Variants in UGT2B28 observed in about 807,000 individuals in gnomAD.
UGT2B28 encodes UDP-glucuronosyltransferase 2B28.
UGT2B28 carries 45 observed loss-of-function variants against 43.6 expected under a neutral mutation model. The ratio of observed to expected loss-of-function variants is 1.03; its 90% CI spans 0.81 to 1.32. UGT2B28 has a LOEUF of 1.32. Ranked by LOEUF, UGT2B28 falls within the 40% of genes most tolerant of loss-of-function variation. The pLI, the probability that UGT2B28 is intolerant of heterozygous loss-of-function variation, is 0.00. For missense variants in UGT2B28, 649 were observed against 625.5 expected, an observed-to-expected ratio of 1.04 and a Z score of -0.40; for synonymous variants, 204 against 208.1, an observed-to-expected ratio of 0.98 and a Z score of 0.17.
rs1723650730 is a variant in UGT2B28 at position 69,282,624 on chromosome 4, G to A, written c.832G>A (p.Gly278Arg). The A allele has an allele frequency of 6.4e-7, 1 of 1,552,988 alleles. No homozygotes were observed. The highest frequency in any genetic ancestry group is 8.7e-7 in the Non-Finnish European group (1 of 1,152,744). The change falls in exon 2 of 6, where the codon GGA (glycine) becomes AGA (arginine). Residue 278 changes from glycine to arginine, a missense_variant. Gly to Arg is a moderately radical substitution (Grantham distance 125). Transcript: ENST00000335568. ...ATTCTTACCAAACATTGATTTTGTT[G>A]GAGGACTCCACTGCAAACCTGCCAA... The part of the protein sequence containing the change: ...HPFLPNIDFV[G>R]GLHCKPAKPL...
At chr4:69,290,006 A>G (rs1210941991) in intron 4 of UGT2B28, among the ~76,000 whole-genome samples, 2 of 140,390 alleles carry the variant, frequency 1.4e-5, no homozygotes, top group African/African-American at 5.6e-5. Context: ...AGAATTTTTC[A>G]GTATCTTCCT....
At chr4:69,281,505 TATA>T (rs1265309588) in intron 1 of UGT2B28, among the ~76,000 whole-genome samples, 2 of 141,010 alleles carry the variant, frequency 1.4e-5, no homozygotes, top group South Asian at 2.4e-4. Flanking sequence ...TGTTTTACTA[TATA>T]ATGTTTTAGA....
chr4:69,286,929 T>C lies in UGT2B28; in HGVS notation c.1002+46T>C, dbSNP rs747275808. 15 of 1,400,224 alleles carry C rather than the reference T, an allele frequency of 1.1e-5. 2 individuals carry two copies. In the South Asian group the frequency reaches 2.1e-4, roughly 20 times the overall value. 86.7% of individuals were successfully genotyped at this position (1,400,224 alleles called of 1,614,324 possible). A position where few individuals can be genotyped will look rare whatever the true frequency, so the allele number is the denominator to read the frequency against. ...GGTGTGGAAAACTACTGAAAGAGGC[T>C]GTTAAAGTTTGAGATCTACACAGAA... On this transcript the variant is annotated intron_variant, in intron 3 of 5. Transcript: ENST00000335568.
chr4:69,282,590 T>G lies in UGT2B28; in HGVS notation c.798T>G (p.Phe266Leu). 1 of 1,556,516 alleles carries G rather than the reference T, an allele frequency of 6.4e-7. No homozygotes were observed. The highest frequency in any genetic ancestry group is 2.3e-5 in the East Asian group (1 of 43,358). ...WLMRNSWSFQFPHPFLPNIDF... is the reference protein window; with the variant it reads ...WLMRNSWSFQLPHPFLPNIDF... The stretch of plus-strand genomic sequence containing the variant: ...TGCGAAACTCCTGGAGTTTTCAATT[T>G]CCTCATCCATTCTTACCAAACATTG... Residue 266 changes from phenylalanine (F) to leucine (L), a missense_variant, in exon 2 of 6, where the codon TTT becomes TTG. Physicochemically the swap from Phe to Leu is conservative, Grantham distance 22 (BLOSUM62 0). Transcript: ENST00000335568.
chr4:69,282,617 T>C lies in UGT2B28; in HGVS notation c.825T>C (p.Asp275=). ...QFPHPFLPNI[D]FVGGLHCKPA... Reference sequence around the variant, plus strand: ...CTCATCCATTCTTACCAAACATTGATTTTGTTGGAGGACTCCACTGCAAAC... The same window carrying C: ...CTCATCCATTCTTACCAAACATTGACTTTGTTGGAGGACTCCACTGCAAAC... Residue 275 remains aspartate, a synonymous_variant, in exon 2 of 6, where the codon GAT becomes GAC. Transcript: ENST00000335568. 6.4e-7 allele frequency: 1 copy of C among 1,554,588 alleles called. No homozygotes were observed. The highest frequency in any genetic ancestry group is 1.2e-5 in the South Asian group (1 of 83,368).
At position 69,280,523 on chromosome 4, in the gene UGT2B28, T is replaced by C; in HGVS notation, c.23T>C (p.Val8Ala). ...AGGATGGCTCTGAAGTGGACTTCAG[T>C]TCTTCTGCTGATACATCTCGGTTGT... The part of the protein sequence containing the change: MALKWTS[V>A]LLLIHLGCYF... Residue 8 changes from valine to alanine, a missense_variant, in exon 1 of 6, where the codon GTT (valine) becomes GCT (alanine). By Grantham distance (64) the Val-to-Ala change is moderately conservative. Coordinates refer to ENST00000335568, the MANE Select transcript of UGT2B28 (RefSeq NM_053039.2). 3 of 1,556,634 alleles carry C rather than the reference T, an allele frequency of 1.9e-6. No homozygotes were observed. The highest frequency in any genetic ancestry group is 2.6e-6 in the Non-Finnish European group (3 of 1,154,534).
At chr4:69,281,351 A>T (rs1214755581) in intron 1 of UGT2B28, 130 bp downstream of exon 1, 2 of 1,130,876 alleles carry the variant, frequency 1.8e-6, no homozygotes, top group Non-Finnish European at 2.3e-6. Flanking sequence ...AAAATACAAG[A>T]TGATCTATCA....
At position 69,294,367 on chromosome 4, in the gene UGT2B28, G is replaced by T. The variant is rs1196476635; in HGVS notation, c.1311-163G>T. The stretch of plus-strand genomic sequence containing the variant: ...TCAATGAGAAAAGTCCAATTTAAAA[G>T]CCCAACTATCTATGATGACTCAAAT... On this transcript the variant is annotated intron_variant, in intron 5 of 5. Coordinates refer to ENST00000335568, the MANE Select transcript of UGT2B28 (RefSeq NM_053039.2). Among the ~76,000 whole-genome samples, 5 of 139,490 alleles carry T rather than the reference G, an allele frequency of 3.6e-5. 1 individual carries two copies. The highest frequency in any genetic ancestry group is 2.2e-4 in the Admixed American group (3 of 13,896). 91.5% of individuals were successfully genotyped at this position (139,490 alleles called of 152,430 possible). A position where few individuals can be genotyped will look rare whatever the true frequency, so the allele number is the denominator to read the frequency against.
At chr4:69,283,402 T>C (rs1391417328) in intron 2 of UGT2B28, among the ~76,000 whole-genome samples, 1 of 140,072 alleles carries the variant, frequency 7.1e-6, no homozygotes, top group Non-Finnish European at 1.5e-5. Context: ...GAAATAAATA[T>C]ATATGAAACG....
At position 69,280,743 on chromosome 4, in the gene UGT2B28, A is replaced by T; in HGVS notation, c.243A>T (p.Leu81Phe). The T allele has an allele frequency of 6.4e-7, 1 of 1,562,814 alleles. No homozygotes were observed. The highest frequency in any genetic ancestry group is 8.6e-7 in the Non-Finnish European group (1 of 1,156,620). ...TLKLEVYPTS[L>F]TKTEFENIIM... is the part of the protein sequence containing the mutation. Reference sequence around the variant, plus strand: ...AACTCGAAGTTTATCCTACATCTTTAACTAAAACTGAATTTGAGAATATCA... The same window carrying T: ...AACTCGAAGTTTATCCTACATCTTTTACTAAAACTGAATTTGAGAATATCA... The change falls in exon 1 of 6, where the codon TTA becomes TTT. Residue 81 changes from leucine to phenylalanine, a missense_variant. Transcript: ENST00000335568.
At position 69,283,117 on chromosome 4, in the gene UGT2B28, G is replaced by A. The variant is rs1489871190; in HGVS notation, c.870+455G>A. 2.9e-5 allele frequency among the ~76,000 whole-genome samples: 4 copies of A among 139,990 alleles called. 2 individuals carry two copies. The highest frequency in any genetic ancestry group is 1.4e-4 in the Admixed American group (2 of 13,922). 91.8% of individuals were successfully genotyped at this position (139,990 alleles called of 152,430 possible). The stretch of plus-strand genomic sequence containing the variant: ...ATCTCAAGGAAAAACCCAATATCAA[G>A]AAAGCATCAGTGGAGATAATAGAAA... On this transcript the variant is annotated intron_variant, in intron 2 of 5. Transcript: ENST00000335568.
intron 5 of UGT2B28, among the ~76,000 whole-genome samples, chr4:69,293,394 A>G (rs1178432742): frequency 7.1e-6 from 1 of 140,606 alleles, no homozygotes; most frequent in Non-Finnish European, 1.5e-5. Context: ...CTATTCACTT[A>G]GTGTATGTAT....
intron 2 of UGT2B28, among the ~76,000 whole-genome samples, chr4:69,284,278 G>T (rs1370008034): frequency 1.4e-5 from 2 of 140,068 alleles, no homozygotes; most frequent in East Asian, 4.1e-4. Context: ...AATTCTGTCA[G>T]CATATAAGAT....
chr4:69,289,019 C>T (rs1269974985), intron 3 of UGT2B28, among the ~76,000 whole-genome samples: 2 of 139,930 alleles, frequency 1.4e-5, no homozygotes, highest in Admixed American at 1.4e-4. Context: ...ACTGCATGTC[C>T]TTGCTATTGT....
intron 3 of UGT2B28, among the ~76,000 whole-genome samples, chr4:69,288,692 G>C (rs1723852251): frequency 7.2e-6 from 1 of 138,928 alleles, no homozygotes; most frequent in South Asian, 2.4e-4. Flanking sequence ...TCATCACCCA[G>C]GTATTAAGAC....
In UGT2B28 at chr4:69,280,696, C is replaced by T. The variant is rs149421320; in HGVS notation, c.196C>T (p.Pro66Ser). The T allele has an allele frequency of 3.5e-5, 54 of 1,560,128 alleles. 7 individuals carry two copies. Among genetic ancestry groups the T allele is most frequent in the Non-Finnish European group, 4.6e-5 (53 of 1,155,834 alleles). ...LASSASILFD[P>S]NDAFTLKLEV... ...ATCTTCAGCTTCCATTCTTTTTGAT[C>T]CCAATGACGCATTCACTCTTAAACT... The change falls in exon 1 of 6, where the codon CCC (proline) becomes TCC (serine). Residue 66 changes from proline (P) to serine (S), a missense_variant. Pro to Ser is a moderately conservative substitution (Grantham distance 74, BLOSUM62 -1). Transcript: ENST00000335568.
intron 1 of UGT2B28, among the ~76,000 whole-genome samples, chr4:69,281,476 C>A (rs937119245): frequency 7.1e-6 from 1 of 140,640 alleles, no homozygotes; most frequent in Non-Finnish European, 1.5e-5. Flanking sequence ...ACACCTAAGA[C>A]TTTAAGCAAT....
intron 1 of UGT2B28, among the ~76,000 whole-genome samples, chr4:69,281,784 G>T (rs1277351089): frequency 7.1e-6 from 1 of 140,236 alleles, no homozygotes; most frequent in Non-Finnish European, 1.5e-5. Flanking sequence ...CTTCACTAAA[G>T]AATTGGAATT....
intron 5 of UGT2B28, 84 bp downstream of exon 5, chr4:69,290,895 T>A (rs1370019592): frequency 7.2e-7 from 1 of 1,388,174 alleles, no homozygotes; most frequent in Admixed American, 2.3e-5. Flanking sequence ...ATCCTTTTTA[T>A]AAGAGAGTAA....
Sources: gnomAD v4.1 joint callset for allele counts (sites outside exome capture counted in the v4.1 genomes callset) on GRCh38, gnomAD v4.1.1 for gene constraint, MANE v1.5 for transcripts, NCBI Gene and HGNC (gene_info 2026-07-23, HGNC 2026-07-21) for gene names.